The following THSD7B variants were observed in gnomAD, a reference collection of about 807,000 sequenced individuals.
THSD7B encodes the protein thrombospondin type-1 domain-containing protein 7B.
THSD7B carries 138 observed loss-of-function variants against 213.6 expected under a neutral mutation model. That is an observed-to-expected ratio of 0.65 (90% CI 0.56 to 0.74). THSD7B has a LOEUF of 0.74. THSD7B is among the 30% of genes least tolerant of loss of function. The pLI, the probability that THSD7B is intolerant of heterozygous loss-of-function variation, is 0.00. For synonymous variants in THSD7B, 742 were observed against 687.0 expected (o/e 1.08, Z -1.25); for missense variants, 1,931 against 1,991.5 (o/e 0.97, Z 0.58).
chr2:137,491,878 G>A (rs1231329829), intron 15 of THSD7B, among the ~76,000 whole-genome samples: 1 of 152,098 alleles, frequency 6.6e-6, no homozygotes, highest in Non-Finnish European at 1.5e-5. Flanking sequence ...TTTCTAGATT[G>A]TTTCTAGTAT....
At chr2:137,426,993 T>C (rs1257305253) in intron 14 of THSD7B, among the ~76,000 whole-genome samples, 1 of 152,048 alleles carries the variant, frequency 6.6e-6, no homozygotes, top group Admixed American at 6.6e-5. Context: ...AGGATCTTAG[T>C]AGACATTTTT....
At chr2:137,375,681 G>A (rs1395226879) in intron 12 of THSD7B, among the ~76,000 whole-genome samples, 3 of 152,122 alleles carry the variant, frequency 2.0e-5, no homozygotes, top group East Asian at 1.9e-4. Context: ...ATTCTAGAAC[G>A]GAATTAAGGT....
At chr2:136,859,095 G>A (rs1474884838) in intron 1 of THSD7B, among the ~76,000 whole-genome samples, 3 of 152,220 alleles carry the variant, frequency 2.0e-5, no homozygotes, top group African/African-American at 7.2e-5. Flanking sequence ...AGGATTAGTA[G>A]TGTCTTACTG....
intron 2 of THSD7B, among the ~76,000 whole-genome samples, chr2:137,053,471 G>C (rs59631603): frequency 6.6e-6 from 1 of 151,630 alleles, no homozygotes; most frequent in Non-Finnish European, 1.5e-5. Context: ...TAAAGAAAGA[G>C]GAGATGAAAT....
chr2:136,825,726 T>TTTTTTTGTTTTTTTTTTTTTG (rs1461834453), intron 1 of THSD7B, among the ~76,000 whole-genome samples: 1 of 147,202 alleles, frequency 6.8e-6, no homozygotes, highest in Non-Finnish European at 1.5e-5. Context: ...TAATTTTTTT[T>TTTTTTTGTTTTTTTTTTTTTG]TTTTTTTTAG....
intron 3 of THSD7B, among the ~76,000 whole-genome samples, chr2:137,071,805 C>A (rs894250978): frequency 1.1e-4 from 16 of 152,102 alleles, no homozygotes; most frequent in Non-Finnish European, 2.9e-5. Flanking sequence ...GGAAGGGATC[C>A]AGTTTCAGCT....
chr2:137,453,910 G>A (rs372615738), intron 15 of THSD7B, among the ~76,000 whole-genome samples: 1 of 152,136 alleles, frequency 6.6e-6, no homozygotes, highest in African/African-American at 2.4e-5. Flanking sequence ...AGGTTTTCCA[G>A]TTGCATCCAT....
chr2:137,201,795 T>A (rs994695546), intron 7 of THSD7B, among the ~76,000 whole-genome samples: 3 of 152,092 alleles, frequency 2.0e-5, no homozygotes, highest in African/African-American at 7.2e-5. Flanking sequence ...CTGTTGGTCC[T>A]TTTCTTTTAA....
chr2:137,516,814 C>T (rs1021395785), intron 15 of THSD7B, among the ~76,000 whole-genome samples: 2 of 152,176 alleles, frequency 1.3e-5, no homozygotes, highest in Non-Finnish European at 2.9e-5. Flanking sequence ...AGAGCTGCCT[C>T]TACCTAGAAA....
At chr2:136,790,594 T>C (rs776593854) in intron 1 of THSD7B, among the ~76,000 whole-genome samples, 32 of 152,226 alleles carry the variant, frequency 2.1e-4, no homozygotes, top group Non-Finnish European at 1.2e-4. Context: ...TGTTAAAATA[T>C]TTTCTCCATA....
intron 2 of THSD7B, among the ~76,000 whole-genome samples, chr2:137,001,063 T>G (rs1263565599): frequency 6.6e-6 from 1 of 152,136 alleles, no homozygotes; most frequent in Non-Finnish European, 1.5e-5. Flanking sequence ...TAAGAGCATG[T>G]GTTCTATTAT....
chr2:137,237,521 C>A (rs1681793290), intron 9 of THSD7B, among the ~76,000 whole-genome samples: 1 of 152,138 alleles, frequency 6.6e-6, no homozygotes, highest in Admixed American at 6.5e-5. Context: ...AGGCACGATA[C>A]AAAATGGAAT....
At chr2:137,018,365 TAAC>T (rs890801966) in intron 2 of THSD7B, among the ~76,000 whole-genome samples, 103 of 152,204 alleles carry the variant, frequency 6.8e-4, no homozygotes, top group African/African-American at 2.4e-3. Flanking sequence ...GTTAATAAAA[TAAC>T]AAAGATGTTA....
chr2:136,968,094 G>T (rs1446828530), intron 2 of THSD7B, among the ~76,000 whole-genome samples: 4 of 152,066 alleles, frequency 2.6e-5, no homozygotes, highest in Admixed American at 6.5e-5. Context: ...ACTGTATCAT[G>T]ATATGGATGT....
intron 2 of THSD7B, among the ~76,000 whole-genome samples, chr2:136,899,500 T>G (rs1372436517): frequency 6.6e-6 from 1 of 152,238 alleles, no homozygotes. Flanking sequence ...AAATCGGTTT[T>G]GTACTTCAGT....
intron 1 of THSD7B, among the ~76,000 whole-genome samples, chr2:136,868,502 T>A (rs1345447734): frequency 6.6e-6 from 1 of 152,234 alleles, no homozygotes; most frequent in East Asian, 1.9e-4. Context: ...ATAAATTTCT[T>A]TGCAACAATA....
chr2:137,440,652 A>G (rs921574152), intron 14 of THSD7B, among the ~76,000 whole-genome samples: 1 of 152,054 alleles, frequency 6.6e-6, no homozygotes, highest in African/African-American at 2.4e-5. Context: ...CTGCATTTTC[A>G]AGGGAAGTCA....
rs192528809 is a variant in THSD7B, at chr2:137,576,819, G to A, written c.3423+4263G>A. ...CACCCCCCCCCCTTTTTTTAATGGT[G>A]CTCCAGTGTTATTTTGGGGAAAGGC... On this transcript the variant is annotated intron_variant, in intron 17 of 27. Transcript: ENST00000409968. Among the ~76,000 whole-genome samples, 634 of 147,706 alleles carry A rather than the reference G, an allele frequency of 4.3e-3. 5 individuals carry two copies. Among genetic ancestry groups the A allele is most frequent in the African/African-American group, 0.015 (600 of 39,710 alleles).
At chr2:137,614,879 C>G (rs1465066375) in intron 17 of THSD7B, among the ~76,000 whole-genome samples, 1 of 152,124 alleles carries the variant, frequency 6.6e-6, no homozygotes, top group Non-Finnish European at 1.5e-5. Context: ...AGTCAAGACT[C>G]AGTGTACAGG....
Sources: gnomAD v4.1 joint callset for allele counts (sites outside exome capture counted in the v4.1 genomes callset) on GRCh38, gnomAD v4.1.1 for gene constraint, MANE v1.5 for transcripts, NCBI Gene and HGNC (gene_info 2026-07-23, HGNC 2026-07-21) for gene names.